NISCH: variants seen among roughly 807,000 people sequenced by gnomAD.
NISCH encodes I-1 receptor candidate protein.
NISCH carries 55 observed loss-of-function variants against 138.4 expected under a neutral mutation model. The ratio of observed to expected loss-of-function variants is 0.40; its 90% CI spans 0.32 to 0.50. NISCH has a LOEUF of 0.50. Ranked by LOEUF, NISCH falls within the 20% of genes least tolerant of loss-of-function variation. The pLI is 0.71. For synonymous variants in NISCH, 860 were observed against 861.5 expected (o/e 1.00, Z 0.03); for missense variants, 1,643 against 2,005.5 (o/e 0.82, Z 3.45).
At chr3:52,479,312 C>G (rs530196108) in intron 11 of NISCH, among the ~76,000 whole-genome samples, 1 of 152,312 alleles carries the variant, frequency 6.6e-6, no homozygotes, top group East Asian at 1.9e-4. Flanking sequence ...GGCGGGGGCC[C>G]TGCCCTCTCC....
rs1020787743 is a variant in NISCH, at chr3:52,485,928, C to T, written c.1703+101C>T. The T allele has an allele frequency of 6.4e-5, 71 of 1,114,814 alleles. 1 individual carries two copies. In the African/African-American group the frequency reaches 7.2e-4, roughly 11 times the overall value. The allele number at this position is 1,114,814 out of a possible 1,614,324, so 69.1% of individuals were successfully genotyped here. On this transcript the variant is annotated intron_variant, in intron 15 of 20. Coordinates refer to ENST00000345716, the MANE Select transcript of NISCH (RefSeq NM_007184.4). ...GGCCAGTCAGGTTTTTTTAAAAATC[C>T]GTTCACAGAAGGCCTATAGAACTAT...
At chr3:52,475,716 G>C (rs189183904) in intron 7 of NISCH, 1 of 152,202 alleles carries the variant, frequency 6.6e-6, no homozygotes, top group Admixed American at 6.5e-5. Context: ...GGTGGTGTAC[G>C]CCTGTAGTCC....
At position 52,492,793 on chromosome 3, in the gene NISCH, C is replaced by T. The variant is rs1185524512; in HGVS notation, c.*311C>T. On this transcript the variant is annotated 3_prime_UTR_variant, in exon 21 of 21. Transcript: ENST00000345716. ...ACTGTGGGTCTGACTTTCTCTTCTA[C>T]ACGTCCTTTCCTGAAGTGTCGAGTC... 7.5e-6 allele frequency: 3 copies of T among 401,176 alleles called. No individual in the cohort carries two copies. Among genetic ancestry groups the T allele is most frequent in the Non-Finnish European group, 4.5e-6 (1 of 222,070 alleles). 24.9% of individuals were successfully genotyped at this position (401,176 alleles called of 1,614,324 possible).
In NISCH at chr3:52,478,592, A is replaced by G. The variant is rs764480091; in HGVS notation, c.1302+15A>G. The stretch of plus-strand genomic sequence containing the variant: ...GGGCCTCAGAGGTGAGCCCCAGCAC[A>G]GTCAGAAGAGCCCAGGGAGACCTTC... On this transcript the variant is annotated intron_variant, in intron 11 of 20. Transcript: ENST00000345716. 5.0e-6 allele frequency: 8 copies of G among 1,613,358 alleles called. No homozygotes were observed. In the African/African-American group the frequency reaches 5.3e-5, roughly 11 times the overall value.
At chr3:52,491,689 C>A in intron 20 of NISCH, 176 bp downstream of exon 20, 1 of 1,059,974 alleles carries the variant, frequency 9.4e-7, no homozygotes, top group Non-Finnish European at 1.3e-6. Flanking sequence ...AGCAGTCCCT[C>A]AACCATCTGG....
intron 3 of NISCH, among the ~76,000 whole-genome samples, chr3:52,464,515 G>GTTTT (rs1183001857): frequency 1.5e-5 from 1 of 67,370 alleles, no homozygotes; most frequent in Non-Finnish European, 2.9e-5. Flanking sequence ...TCTGTGAGTT[G>GTTTT]TCTTTTTTTT....
At position 52,492,761 on chromosome 3, in the gene NISCH, ACG is replaced by A; in HGVS notation, c.*280_*281del. ...CTGCTGTTGTGGGACCGTTGTTAAC[ACG>A]TGACACTGTGGGTCTGACTTTCTCT... On this transcript the variant is annotated 3_prime_UTR_variant, in exon 21 of 21. Transcript: ENST00000345716. 1 of 465,232 alleles carries A rather than the reference ACG, an allele frequency of 2.1e-6. No homozygotes were observed. Among genetic ancestry groups the A allele is most frequent in the Admixed American group, 3.7e-5 (1 of 26,866 alleles). 28.8% of individuals were successfully genotyped at this position (465,232 alleles called of 1,614,324 possible). A position where few individuals can be genotyped will look rare whatever the true frequency, so the allele number is the denominator to read the frequency against.
At chr3:52,476,879 C>A (rs1017633710) in intron 8 of NISCH, among the ~76,000 whole-genome samples, 17 of 151,948 alleles carry the variant, frequency 1.1e-4, no homozygotes, top group Admixed American at 5.2e-4. Context: ...ACTAAAAATA[C>A]AAAAATTAGC....
At position 52,492,161 on chromosome 3, in the gene NISCH, G is replaced by A. The variant is rs61743076; in HGVS notation, c.4194G>A (p.Glu1398=). ...VHYPLPEFAK[E]PPQRDRYRLD... ...ACCCACTGCCCGAGTTTGCCAAAGA[G>A]CCGCCGCAGAGAGACAGGTACCGGC... Residue 1398 remains glutamate, a synonymous_variant, in exon 21 of 21, where the codon GAG becomes GAA. Coordinates refer to ENST00000345716, the MANE Select transcript of NISCH (RefSeq NM_007184.4). The A allele has an allele frequency of 3.3e-5, 53 of 1,613,012 alleles. No individual in the cohort carries two copies. The Admixed American group carries it at 4.0e-4, about 12-fold the overall frequency.
chr3:52,471,532 G>A, intron 4 of NISCH: 2 of 542,916 alleles, frequency 3.7e-6, no homozygotes, highest in Non-Finnish European at 6.6e-6. Flanking sequence ...CCTCACTCTG[G>A]CCCAGTGCCT....
intron 3 of NISCH, among the ~76,000 whole-genome samples, chr3:52,466,580 AAT>A (rs1197387981): frequency 6.6e-6 from 1 of 151,516 alleles, no homozygotes; most frequent in Non-Finnish European, 1.5e-5. Context: ...AAAAAAAAAA[AAT>A]AGTGAGACAA....
chr3:52,480,835 C>G, intron 13 of NISCH: 1 of 1,529,326 alleles, frequency 6.5e-7, no homozygotes, highest in South Asian at 1.2e-5. Flanking sequence ...ATTCGTCTGC[C>G]CACTATCTTA....
intron 3 of NISCH, among the ~76,000 whole-genome samples, chr3:52,465,075 A>ATAC (rs1706744226): frequency 6.6e-6 from 1 of 152,216 alleles, no homozygotes; most frequent in African/African-American, 2.4e-5. Flanking sequence ...ATCATACATG[A>ATAC]GAAACCATTG....
intron 14 of NISCH, among the ~76,000 whole-genome samples, chr3:52,485,375 C>G (rs779934263): frequency 2.2e-4 from 34 of 152,202 alleles, no homozygotes; most frequent in Non-Finnish European, 4.1e-4. Context: ...CTAGGTATTC[C>G]CCAGTGCACA....
At chr3:52,484,462 T>TGGCC in intron 13 of NISCH, 51 bp from the exon 14 acceptor site, 100 of 788,664 alleles carry the variant, frequency 1.3e-4, no homozygotes, top group Middle Eastern at 4.5e-4. Flanking sequence ...ACAGCCGCTC[T>TGGCC]CCCCGCCCCA....
chr3:52,485,715 AC>A, intron 14 of NISCH, 62 bp from the exon 15 acceptor site: 1 of 1,532,300 alleles, frequency 6.5e-7, no homozygotes, highest in Non-Finnish European at 8.9e-7. Flanking sequence ...GGGTCTGGCA[AC>A]CAGTAAATGG....
At chr3:52,481,169 A>G in intron 13 of NISCH, 1 of 1,207,634 alleles carries the variant, frequency 8.3e-7, no homozygotes, top group Non-Finnish European at 1.0e-6. Flanking sequence ...GGGGAGGTGA[A>G]ATGCTCACCA....
chr3:52,478,427 G>C (rs758856268), intron 10 of NISCH, 22 bp from the exon 11 acceptor site: 19 of 1,614,152 alleles, frequency 1.2e-5, no homozygotes, highest in Non-Finnish European at 1.3e-5. Context: ...GGACCAAAGG[G>C]GATGGAACTC....
rs1707005619 is a variant in NISCH, at chr3:52,473,443, C to T, written c.670-291C>T. On this transcript the variant is annotated intron_variant, in intron 6 of 20. Coordinates refer to ENST00000345716, the MANE Select transcript of NISCH (RefSeq NM_007184.4). ...TCTCCCCAGCAGTTTCCATGACCCA[C>T]ACTTTATGTTCACCTGCCAAGCCCC... Among the ~76,000 whole-genome samples the T allele has an allele frequency of 2.6e-5, 4 of 152,178 alleles. No individual in the cohort carries two copies. The South Asian group carries it at 8.3e-4, about 31-fold the overall frequency.
Sources: gnomAD v4.1 joint callset for allele counts (sites outside exome capture counted in the v4.1 genomes callset) on GRCh38, gnomAD v4.1.1 for gene constraint, MANE v1.5 for transcripts, NCBI Gene and HGNC (gene_info 2026-07-23, HGNC 2026-07-21) for gene names.